DKK3: variants seen among roughly 807,000 people sequenced by gnomAD.
DKK3 encodes the protein dickkopf-related protein 3.
A neutral mutation model predicts 33.2 loss-of-function variants in DKK3; 22 were observed. The ratio of observed to expected loss-of-function variants is 0.66; its 90% CI spans 0.47 to 0.95. The LOEUF (loss-of-function observed/expected upper bound fraction) is 0.95, where lower values mean the gene tolerates loss of function less well. DKK3 is among the 40% of genes least tolerant of loss of function. The pLI, the probability that DKK3 is intolerant of heterozygous loss-of-function variation, is 0.00. For missense variants in DKK3, 398 were observed against 458.4 expected, an observed-to-expected ratio of 0.87 and a Z score of 1.20; for synonymous variants, 194 against 188.8, an observed-to-expected ratio of 1.03 and a Z score of -0.23.
intron 3 of DKK3, among the ~76,000 whole-genome samples, chr11:11,973,804 G>C (rs1281731364): frequency 2.6e-5 from 4 of 152,232 alleles, no homozygotes; most frequent in Non-Finnish European, 5.9e-5. Context: ...TGATTTTCCA[G>C]TTTAGAGTTG....
chr11:11,987,619 G>A (rs554063395), intron 3 of DKK3, among the ~76,000 whole-genome samples: 1 of 152,354 alleles, frequency 6.6e-6, no homozygotes, highest in African/African-American at 2.4e-5. Flanking sequence ...CCCGGAGGTG[G>A]GGTATGGCAG....
Position 11,967,081 on chromosome 11 carries a change from A to C in DKK3, c.546T>G (p.Ser182Arg), listed in dbSNP as rs1239922153. Residue 182 changes from serine (S) to arginine (R), a missense_variant, in exon 5 of 7, where the codon AGT (serine) becomes AGG (arginine). Transcript: ENST00000683431. ...RGQRMLCTRDSECCGDQLCVW... is the reference protein window; with the variant it reads ...RGQRMLCTRDRECCGDQLCVW... ...CACACAGCTGGTCTCCACAGCACTC[A>C]CTGTCCCGGGTGCAGAGCTGCAGAC... 1.9e-6 allele frequency: 3 copies of C among 1,613,604 alleles called. No individual in the cohort carries two copies. Among genetic ancestry groups the C allele is most frequent in the Non-Finnish European group, 2.5e-6 (3 of 1,179,894 alleles).
At chr11:11,966,126 C>G (rs1458252804) in intron 5 of DKK3, among the ~76,000 whole-genome samples, 161 bp from the exon 6 acceptor site, 1 of 152,210 alleles carries the variant, frequency 6.6e-6, no homozygotes, top group Non-Finnish European at 1.5e-5. Context: ...AGAATAGCAG[C>G]CTGGGCTCAG....
intron 3 of DKK3, among the ~76,000 whole-genome samples, chr11:11,970,261 C>T (rs1196860125): frequency 3.3e-5 from 5 of 152,070 alleles, no homozygotes; most frequent in Non-Finnish European, 5.9e-5. Flanking sequence ...TTAAGAAATT[C>T]GTAATTCAAT....
rs1234810043 is a variant in DKK3 at position 12,008,426 on chromosome 11, C to G, written c.157G>C (p.Glu53Gln). The change falls in exon 1 of 7, where the codon GAG (glutamate) becomes CAG (glutamine). Residue 53 changes from glutamate (E) to glutamine (Q), a missense_variant. Coordinates refer to ENST00000683431, the MANE Select transcript of DKK3 (RefSeq NM_001018057.2). This position sits in a 1 kb window ranked among gnomAD's most constrained non-coding sequence, Gnocchi z 4.6. ...EEATLNEMFR[E>Q]VEELMEDTQH... ...GTGTCCTCCATCAGTTCCTCAACCT[C>G]GCGGAACATCTCATTGAGGGTGGCC... 3 of 1,611,232 alleles carry G rather than the reference C, an allele frequency of 1.9e-6. No homozygotes were observed. The highest frequency in any genetic ancestry group is 1.3e-5 in the African/African-American group (1 of 74,892).
intron 3 of DKK3, among the ~76,000 whole-genome samples, chr11:11,974,291 G>A (rs1474172743): frequency 6.6e-6 from 1 of 152,262 alleles, no homozygotes; most frequent in African/African-American, 2.4e-5. Flanking sequence ...TTTAAGTATA[G>A]TATGCCTCTC....
At chr11:11,995,276 G>A (rs1455409726) in intron 3 of DKK3, among the ~76,000 whole-genome samples, 1 of 151,910 alleles carries the variant, frequency 6.6e-6, no homozygotes, top group African/African-American at 2.4e-5. Context: ...TTTGTAGAGG[G>A]GTCTCAATTT....
chr11:11,977,431 C>A (rs1847857315), intron 3 of DKK3, among the ~76,000 whole-genome samples: 1 of 152,106 alleles, frequency 6.6e-6, no homozygotes, highest in African/African-American at 2.4e-5. Context: ...CCTCCACACA[C>A]AGAGCCTCCC....
chr11:11,999,168 T>C (rs1475091823), intron 2 of DKK3, among the ~76,000 whole-genome samples: 2 of 152,208 alleles, frequency 1.3e-5, no homozygotes, highest in Non-Finnish European at 2.9e-5. Flanking sequence ...GGTGTCTAGT[T>C]GAACATCTTT....
chr11:11,977,564 G>C (rs1847859817), intron 3 of DKK3, among the ~76,000 whole-genome samples: 1 of 152,192 alleles, frequency 6.6e-6, no homozygotes, highest in South Asian at 2.1e-4. Context: ...GGCAGCCGTT[G>C]GGAGAGCCCT....
chr11:12,002,208 A>G, intron 2 of DKK3, 92 bp downstream of exon 2: 2 of 1,374,702 alleles, frequency 1.5e-6, no homozygotes, highest in Middle Eastern at 1.9e-4. Flanking sequence ...TTGGGCTTGT[A>G]TATCACATAT....
chr11:11,968,579 C>T, intron 3 of DKK3, 92 bp from the exon 4 acceptor site: 3 of 1,234,022 alleles, frequency 2.4e-6, no homozygotes, highest in Non-Finnish European at 3.4e-6. Flanking sequence ...TTCCATTCCC[C>T]ATTCTTGACC....
intron 3 of DKK3, among the ~76,000 whole-genome samples, chr11:11,972,085 G>A (rs1172135748): frequency 2.0e-5 from 3 of 152,194 alleles, no homozygotes; most frequent in African/African-American, 7.2e-5. Context: ...ACTCCAAGGT[G>A]CACAAACTGA....
intron 3 of DKK3, among the ~76,000 whole-genome samples, chr11:11,973,044 C>T (rs910370307): frequency 4.6e-5 from 7 of 152,074 alleles, no homozygotes; most frequent in African/African-American, 1.7e-4. Context: ...AGCCCTGGGA[C>T]CAGAAGAGGG....
In DKK3 at chr11:12,008,586, C is replaced by A. The variant is rs1330372936; in HGVS notation, c.-4G>T. 4 of 1,405,780 alleles carry A rather than the reference C, an allele frequency of 2.8e-6. No homozygotes were observed. In the Admixed American group the frequency reaches 9.7e-5, roughly 34 times the overall value. 87.1% of individuals were successfully genotyped at this position (1,405,780 alleles called of 1,614,324 possible). The stretch of plus-strand genomic sequence containing the variant: ...GGGTGGCCCCAAGCCGCTGCATCTC[C>A]GCTCTGCGCCCGCAGCCGCCGCCTG... On this transcript the variant is annotated 5_prime_UTR_variant, in exon 1 of 7. Coordinates refer to ENST00000683431, the MANE Select transcript of DKK3 (RefSeq NM_001018057.2). This position sits in a 1 kb window ranked among gnomAD's most constrained non-coding sequence, Gnocchi z 4.6.
intron 3 of DKK3, among the ~76,000 whole-genome samples, chr11:11,973,461 T>C (rs145083930): frequency 7.9e-5 from 12 of 152,248 alleles, no homozygotes; most frequent in Admixed American, 2.6e-4. Flanking sequence ...CCAAATGTCA[T>C]ATGGCTGGAA....
intron 4 of DKK3, 117 bp from the exon 5 acceptor site, chr11:11,967,215 G>T: frequency 7.9e-7 from 1 of 1,272,340 alleles, no homozygotes; most frequent in Non-Finnish European, 1.1e-6. Flanking sequence ...GTAGAGACAG[G>T]CAGACCAGGC....
At chr11:11,989,547 T>G (rs985651865) in intron 3 of DKK3, among the ~76,000 whole-genome samples, 3 of 152,088 alleles carry the variant, frequency 2.0e-5, no homozygotes, top group African/African-American at 7.2e-5. Flanking sequence ...GTCAGAATCA[T>G]ACAGACAGAA....
chr11:12,006,603 A>G (rs1042010724), intron 1 of DKK3, among the ~76,000 whole-genome samples: 12 of 152,146 alleles, frequency 7.9e-5, no homozygotes, highest in Admixed American at 2.6e-4. Context: ...CCCAACCTAC[A>G]CAGAGCCACA....
Sources: gnomAD v4.1 joint callset for allele counts (sites outside exome capture counted in the v4.1 genomes callset) on GRCh38, gnomAD v4.1.1 for gene constraint, Gnocchi (gnomAD v3.1) non-coding constraint, MANE v1.5 for transcripts, NCBI Gene and HGNC (gene_info 2026-07-23, HGNC 2026-07-21) for gene names.